The following USH2A variants were observed in gnomAD, a reference collection of about 807,000 sequenced individuals.
The protein encoded by USH2A is usherin.
USH2A carries 443 observed loss-of-function variants against 538.9 expected under a neutral mutation model. The observed-to-expected ratio is 0.82, with a 90% confidence interval of 0.76 to 0.89. USH2A has a LOEUF of 0.89. USH2A is among the 40% of genes least tolerant of loss of function. The pLI is 0.00. For synonymous variants in USH2A, 2,413 were observed against 2,273.5 expected (o/e 1.06, Z -1.75); for missense variants, 6,633 against 6,324.8 (o/e 1.05, Z -1.65).
intron 32 of USH2A, among the ~76,000 whole-genome samples, chr1:216,034,140 T>A (rs562294170): frequency 6.6e-6 from 1 of 152,218 alleles, no homozygotes; most frequent in South Asian, 2.1e-4. Flanking sequence ...GTGTGGAATG[T>A]TTCAAGAGGA....
At chr1:215,941,784 A>T (rs555842805) in intron 37 of USH2A, among the ~76,000 whole-genome samples, 1 of 152,246 alleles carries the variant, frequency 6.6e-6, no homozygotes, top group South Asian at 2.1e-4. Context: ...TTACTGGAAG[A>T]TATATACTTG....
intron 21 of USH2A, among the ~76,000 whole-genome samples, chr1:216,127,960 C>T (rs2033288811): frequency 1.3e-5 from 2 of 152,178 alleles, no homozygotes; most frequent in South Asian, 4.1e-4. Context: ...TGAGTAACAT[C>T]AGGGATTCTG....
chr1:216,251,079 C>A lies in USH2A; in HGVS notation c.1991G>T (p.Cys664Phe). ...CTGCCTGCCAGACACGTGTCTCTTACAATTACACTGTCCTCCAATCTAGAG... is the reference window on the plus strand; with the variant it reads ...CTGCCTGCCAGACACGTGTCTCTTAAAATTACACTGTCCTCCAATCTAGAG... ...LCDQIGGQCN[C>F]KRHVSGRQCN... Residue 664 changes from cysteine (C) to phenylalanine (F), a missense_variant, in exon 12 of 72, where the codon TGT becomes TTT. Cys to Phe is a radical substitution (Grantham distance 205). Transcript: ENST00000307340. The A allele has an allele frequency of 6.2e-7, 1 of 1,614,030 alleles. No homozygotes were observed. Among genetic ancestry groups the A allele is most frequent in the Non-Finnish European group, 8.5e-7 (1 of 1,179,972 alleles).
At chr1:215,991,759 C>G (rs1452038415) in intron 35 of USH2A, among the ~76,000 whole-genome samples, 1 of 152,146 alleles carries the variant, frequency 6.6e-6, no homozygotes, top group Non-Finnish European at 1.5e-5. Flanking sequence ...AATTGTAGTT[C>G]TAGTTGTATT....
At chr1:216,120,008 T>A (rs2033095059) in intron 21 of USH2A, among the ~76,000 whole-genome samples, 1 of 152,018 alleles carries the variant, frequency 6.6e-6, no homozygotes. Context: ...TGAAAAAGAA[T>A]AAAATCATAA....
intron 5 of USH2A, 44 bp from the exon 6 acceptor site, chr1:216,325,643 A>G (rs1400436779): frequency 2.5e-6 from 4 of 1,588,614 alleles, no homozygotes; most frequent in South Asian, 1.1e-5. Context: ...AGAGCTTAAC[A>G]GTAATAGAAC....
intron 58 of USH2A, among the ~76,000 whole-genome samples, chr1:215,754,650 A>G (rs948376851): frequency 1.3e-5 from 2 of 151,122 alleles, no homozygotes; most frequent in Non-Finnish European, 1.5e-5. Context: ...AAAACACACT[A>G]ACACTAACAA....
At chr1:215,786,525 C>T (rs1661805441) in intron 52 of USH2A, 145 bp downstream of exon 52, 1 of 864,860 alleles carries the variant, frequency 1.2e-6, no homozygotes, top group African/African-American at 1.7e-5. Context: ...CTTTAATTAC[C>T]TTGTAACTAG....
At chr1:216,270,479 C>G (rs1340151664) in intron 11 of USH2A, among the ~76,000 whole-genome samples, 2 of 152,126 alleles carry the variant, frequency 1.3e-5, no homozygotes, top group African/African-American at 4.8e-5. Flanking sequence ...AACTCCTCTT[C>G]TTCCTTTCTG....
At chr1:216,105,108 AG>A (rs1308345112) in intron 21 of USH2A, among the ~76,000 whole-genome samples, 1 of 152,164 alleles carries the variant, frequency 6.6e-6, no homozygotes, top group Non-Finnish European at 1.5e-5. Context: ...AACCATAATG[AG>A]ATACCATCTC....
Position 216,421,989 on chromosome 1 carries a change from C to T in USH2A, c.348G>A (p.Leu116=), listed in dbSNP as rs759382447. ...SSCITPDKND[L]HPNAHSNSAS... is the part of the protein sequence containing the mutation. ...CAGAATTGCTATGGGCGTTAGGATG[C>T]AGATCATTCTTGTCTGGTGTGATGC... Residue 116 remains leucine, a synonymous_variant, in exon 2 of 72, where the codon CTG becomes CTA. Transcript: ENST00000307340. 5.0e-6 allele frequency: 8 copies of T among 1,613,766 alleles called. No individual in the cohort carries two copies. The South Asian group carries it at 6.6e-5, about 13-fold the overall frequency.
chr1:216,283,877 T>G (rs911173430), intron 11 of USH2A, among the ~76,000 whole-genome samples: 1 of 152,212 alleles, frequency 6.6e-6, no homozygotes, highest in African/African-American at 2.4e-5. Flanking sequence ...TATGGGGTTA[T>G]GAATGGTAAT....
At chr1:216,167,587 A>C (rs1015329763) in intron 21 of USH2A, among the ~76,000 whole-genome samples, 2 of 152,152 alleles carry the variant, frequency 1.3e-5, no homozygotes, top group Admixed American at 1.3e-4. Context: ...ACACGTGGAC[A>C]GCCCACCCCA....
At chr1:216,239,104 GAA>G (rs59434332) in intron 13 of USH2A, among the ~76,000 whole-genome samples, 24 of 140,998 alleles carry the variant, frequency 1.7e-4, no homozygotes, top group African/African-American at 6.4e-4. Context: ...ATAAAACCAG[GAA>G]AAAAAAAAAC....
intron 61 of USH2A, among the ~76,000 whole-genome samples, chr1:215,713,237 A>G (rs1281812234): frequency 6.6e-6 from 1 of 152,082 alleles, no homozygotes; most frequent in African/African-American, 2.4e-5. Context: ...AATCTTACTC[A>G]CCACTATTTA....
intron 22 of USH2A, among the ~76,000 whole-genome samples, chr1:216,091,625 C>T (rs890113316): frequency 1.3e-5 from 2 of 152,056 alleles, no homozygotes; most frequent in African/African-American, 4.8e-5. Context: ...GGATGACAAA[C>T]CAAATACATT....
intron 60 of USH2A, among the ~76,000 whole-genome samples, chr1:215,730,404 G>A (rs946575371): frequency 2.0e-5 from 3 of 152,052 alleles, no homozygotes; most frequent in Admixed American, 2.0e-4. Flanking sequence ...TTCCTATCAG[G>A]GCAGTATTCC....
rs576236830 is a variant in USH2A, at chr1:215,838,007, G to A, written c.9355C>T (p.Arg3119Cys). The A allele has an allele frequency of 5.0e-5, 81 of 1,613,810 alleles. 1 individual carries two copies. The highest frequency in any genetic ancestry group is 2.9e-4 in the South Asian group (26 of 91,080). Residue 3119 changes from arginine (R) to cysteine (C), a missense_variant, in exon 47 of 72, where the codon CGT becomes TGT. Coordinates refer to ENST00000307340, the MANE Select transcript of USH2A (RefSeq NM_206933.4). The part of the protein sequence containing the change: ...TPSDIPTPTI[R>C]GITSRSLQID... ...ATTTTGTACCTTGAAGTGATGCCAC[G>A]AATTGTGGGTGTTGGTATATCACTT...
At chr1:215,994,812 A>C (rs1397433004) in intron 34 of USH2A, among the ~76,000 whole-genome samples, 1 of 152,116 alleles carries the variant, frequency 6.6e-6, no homozygotes, top group Non-Finnish European at 1.5e-5. Flanking sequence ...AAATAGAAAA[A>C]AAGTTGAAGA....
Sources: gnomAD v4.1 joint callset for allele counts (sites outside exome capture counted in the v4.1 genomes callset) on GRCh38, gnomAD v4.1.1 for gene constraint, MANE v1.5 for transcripts, NCBI Gene and HGNC (gene_info 2026-07-23, HGNC 2026-07-21) for gene names.